RPN1: variants seen among roughly 807,000 people sequenced by gnomAD.
RPN1 encodes the protein ribophorin I.
Under a neutral mutation model 55.5 loss-of-function variants are expected in RPN1, and 12 were observed. The observed-to-expected ratio is 0.22, with a 90% confidence interval of 0.14 to 0.35. The LOEUF (loss-of-function observed/expected upper bound fraction) is 0.35, where lower values mean the gene tolerates loss of function less well. Among genes scored for constraint, RPN1 ranks in the 10% least tolerant of loss-of-function variants. RPN1 has a pLI of 1.00. For synonymous variants in RPN1, 317 were observed against 305.9 expected (o/e 1.04, Z -0.38); for missense variants, 679 against 761.3 (o/e 0.89, Z 1.27).
chr3:128,637,776 G>C (rs1188155252), intron 3 of RPN1, 23 bp downstream of exon 3: 1 of 1,604,116 alleles, frequency 6.2e-7, no homozygotes, highest in Non-Finnish European at 8.5e-7. Flanking sequence ...GACAGGGATG[G>C]GCTGGACTCC....
intron 1 of RPN1, among the ~76,000 whole-genome samples, chr3:128,649,992 A>C (rs1452853428): frequency 6.6e-6 from 1 of 152,226 alleles, no homozygotes; most frequent in Non-Finnish European, 1.5e-5. Flanking sequence ...ATGGTTCTCT[A>C]TGTCTAGAAA....
intron 3 of RPN1, among the ~76,000 whole-genome samples, chr3:128,636,753 T>C (rs2069684913): frequency 6.6e-6 from 1 of 152,192 alleles, no homozygotes; most frequent in South Asian, 2.1e-4. Context: ...CTCACTATGT[T>C]GCCCAGACTG....
In RPN1 at chr3:128,631,937, A is replaced by G; in HGVS notation, c.843+11T>C. The stretch of plus-strand genomic sequence containing the variant: ...TCATTTCTCACAATGTCCAAGTTGA[A>G]CATTCCATACCTTAAAAGAACGGAT... On this transcript the variant is annotated intron_variant, in intron 4 of 9. Coordinates refer to ENST00000296255, the MANE Select transcript of RPN1 (RefSeq NM_002950.4). 6.2e-7 allele frequency: 1 copy of G among 1,613,914 alleles called. No homozygotes were observed. The highest frequency in any genetic ancestry group is 8.5e-7 in the Non-Finnish European group (1 of 1,179,786).
Position 128,620,371 on chromosome 3 carries a change from G to A in RPN1, c.*40C>T. 2.5e-6 allele frequency: 4 copies of A among 1,576,910 alleles called. No individual in the cohort carries two copies. The highest frequency in any genetic ancestry group is 2.3e-5 in the South Asian group (2 of 86,958). On this transcript the variant is annotated 3_prime_UTR_variant, in exon 10 of 10. Coordinates refer to ENST00000296255, the MANE Select transcript of RPN1 (RefSeq NM_002950.4). Reference sequence around the variant, plus strand: ...CACCCAATCTGCCTGCCACAGCAAAGTGCAGGCACCCTGGGCCCCCTGGAG... The same window carrying A: ...CACCCAATCTGCCTGCCACAGCAAAATGCAGGCACCCTGGGCCCCCTGGAG...
At chr3:128,622,086 G>T in intron 9 of RPN1, 78 bp downstream of exon 9, 1 of 1,415,458 alleles carries the variant, frequency 7.1e-7, no homozygotes. Flanking sequence ...CAAGAGAGCT[G>T]CCCAGTGTCT....
rs367651108 is a variant in RPN1, at chr3:128,620,015, T to TAAAAAAAAAAAAAAA, written c.*381_*395dup. 1 of 172,044 alleles carries TAAAAAAAAAAAAAAA rather than the reference T, an allele frequency of 5.8e-6. No individual in the cohort carries two copies. Among genetic ancestry groups the TAAAAAAAAAAAAAAA allele is most frequent in the Non-Finnish European group, 1.2e-5 (1 of 85,698 alleles). The allele number at this position is 172,044 out of a possible 1,614,324, so 10.7% of individuals were successfully genotyped here. On this transcript the variant is annotated 3_prime_UTR_variant, in exon 10 of 10. Transcript: ENST00000296255. ...TATTTCCATTTGTTCACACACGCTT[T>TAAAAAAAAAAAAAAA]AAAAAAAAAAAAAAAAACACATGCA...
chr3:128,643,530 C>T (rs1219845259), intron 2 of RPN1, among the ~76,000 whole-genome samples: 1 of 151,850 alleles, frequency 6.6e-6, no homozygotes, highest in East Asian at 1.9e-4. Flanking sequence ...GGCACGGTGG[C>T]TCACATTTGT....
At chr3:128,633,982 CA>C (rs199941507) in intron 3 of RPN1, among the ~76,000 whole-genome samples, 1 of 148,880 alleles carries the variant, frequency 6.7e-6, no homozygotes, top group South Asian at 2.1e-4. Flanking sequence ...GACTGTCTCT[CA>C]AAAAAAACAA....
chr3:128,637,953 T>C lies in RPN1; in HGVS notation c.479A>G (p.His160Arg), dbSNP rs756388812. 3.7e-6 allele frequency: 6 copies of C among 1,614,198 alleles called. No homozygotes were observed. Among genetic ancestry groups the C allele is most frequent in the Non-Finnish European group, 4.2e-6 (5 of 1,180,026 alleles). The change falls in exon 3 of 10, where the codon CAT becomes CGT. Residue 160 changes from histidine to arginine, a missense_variant. Physicochemically the swap from His to Arg is conservative, Grantham distance 29. Around this residue, in one of 3 missense-constraint regions of RPN1, gnomAD observed 352 missense variants for 352.8 expected, o/e 1.00. Transcript: ENST00000296255. ...CGTTGGATAGGGAGAGTAGAAATAA[T>C]GGTTCCCCTCAAACACCACAAACTG... ...EKQFVVFEGN[H>R]YFYSPYPTKT...
intron 9 of RPN1, among the ~76,000 whole-genome samples, chr3:128,620,869 G>T (rs1051847658): frequency 6.6e-6 from 1 of 152,212 alleles, no homozygotes; most frequent in African/African-American, 2.4e-5. Context: ...GGACTCTGAG[G>T]ACTGAGTATG....
rs1317886708 is a variant in RPN1, at chr3:128,625,660, G to A, written c.1276-7C>T. ...TGTTGAACGTGTAGTGGACCTGGGAGAAGCAAGAGGACAGGCTTCATCGGG... is the reference window on the plus strand; with the variant it reads ...TGTTGAACGTGTAGTGGACCTGGGAAAAGCAAGAGGACAGGCTTCATCGGG... On this transcript the variant is annotated splice_region_variant and splice_polypyrimidine_tract_variant and intron_variant, in intron 7 of 9. Coordinates refer to ENST00000296255, the MANE Select transcript of RPN1 (RefSeq NM_002950.4). 2 of 1,613,858 alleles carry A rather than the reference G, an allele frequency of 1.2e-6. No individual in the cohort carries two copies. The highest frequency in any genetic ancestry group is 2.7e-5 in the African/African-American group (2 of 74,906).
intron 6 of RPN1, among the ~76,000 whole-genome samples, chr3:128,626,433 G>C (rs529861078): frequency 6.6e-6 from 1 of 152,282 alleles, no homozygotes; most frequent in South Asian, 2.1e-4. Context: ...GACATGTCCT[G>C]CTTTTGTCTG....
intron 1 of RPN1, 88 bp from the exon 2 acceptor site, chr3:128,645,071 C>T: frequency 1.3e-6 from 1 of 750,788 alleles, no homozygotes; most frequent in Non-Finnish European, 2.4e-6. Context: ...AGAACATCCC[C>T]ATTAAAGCAG....
intron 3 of RPN1, among the ~76,000 whole-genome samples, chr3:128,633,997 A>G (rs1415199318): frequency 6.6e-6 from 1 of 151,768 alleles, no homozygotes; most frequent in Non-Finnish European, 1.5e-5. Flanking sequence ...AAAACAAATA[A>G]ACAAACAAAA....
In RPN1 at chr3:128,650,629, G is replaced by C. The variant is rs1159722202; in HGVS notation, c.172C>G (p.Leu58Val). The change falls in exon 1 of 10, where the codon CTG becomes GTG. Residue 58 changes from leucine (L) to valine (V), a missense_variant. Transcript: ENST00000296255. ...KVTAEVVLAH[L>V]GGGSTSRATS... ...GCTCGGGACGTGGAGCCGCCGCCCA[G>C]GTGCGCCAGGACCACCTCGGCCGTC... 28 of 1,554,212 alleles carry C rather than the reference G, an allele frequency of 1.8e-5. No individual in the cohort carries two copies. The highest frequency in any genetic ancestry group is 2.4e-5 in the Non-Finnish European group (28 of 1,148,900).
At chr3:128,630,847 C>T (rs910372881) in intron 4 of RPN1, among the ~76,000 whole-genome samples, 3 of 152,204 alleles carry the variant, frequency 2.0e-5, no homozygotes, top group Non-Finnish European at 2.9e-5. Context: ...GGCACGGTGG[C>T]TCACGCCTGT....
At position 128,636,460 on chromosome 3, in the gene RPN1, CA is replaced by C. The variant is rs981836803; in HGVS notation, c.633+1338del. On this transcript the variant is annotated intron_variant, in intron 3 of 9. Transcript: ENST00000296255. The stretch of plus-strand genomic sequence containing the variant: ...TGAATGACAGATCAAGACTCCTTCT[CA>C]AAAAAAATAAAATAAAATAAAGACA... 5.6e-5 allele frequency among the ~76,000 whole-genome samples: 7 copies of C among 125,000 alleles called. No individual in the cohort carries two copies. In the East Asian group the frequency reaches 1.4e-3, roughly 24 times the overall value. The allele number at this position is 125,000 out of a possible 152,430, so 82.0% of individuals were successfully genotyped here. A position where few individuals can be genotyped will look rare whatever the true frequency, so the allele number is the denominator to read the frequency against.
rs1559755879 is a variant in RPN1 at position 128,635,660 on chromosome 3, T to TAG, written c.633+2138_633+2139insCT. Reference sequence around the variant, plus strand: ...ATATAGATATATATATATATATATATATATAGATATCTATAGATATCTATA... The same window carrying TAG: ...ATATAGATATATATATATATATATATAGATATAGATATCTATAGATATCTATA... On this transcript the variant is annotated intron_variant, in intron 3 of 9. Coordinates refer to ENST00000296255, the MANE Select transcript of RPN1 (RefSeq NM_002950.4). Among the ~76,000 whole-genome samples, 68 of 117,424 alleles carry TAG rather than the reference T, an allele frequency of 5.8e-4. 1 individual carries two copies. The highest frequency in any genetic ancestry group is 2.3e-3 in the African/African-American group (62 of 27,506). 77.0% of individuals were successfully genotyped at this position (117,424 alleles called of 152,430 possible). A position where few individuals can be genotyped will look rare whatever the true frequency, so the allele number is the denominator to read the frequency against.
At chr3:128,640,509 C>T (rs1576798150) in intron 2 of RPN1, among the ~76,000 whole-genome samples, 1 of 152,310 alleles carries the variant, frequency 6.6e-6, no homozygotes, top group East Asian at 1.9e-4. Flanking sequence ...TTTCAAGTCC[C>T]AAATGTGCTT....
Sources: allele counts gnomAD v4.1 joint callset (sites outside exome capture counted in the v4.1 genomes callset), GRCh38; gene constraint gnomAD v4.1.1; regional missense constraint gnomAD v4.1.1; transcripts MANE v1.5; gene names NCBI Gene and HGNC (gene_info 2026-07-23, HGNC 2026-07-21).